The following WWOX variants were observed in gnomAD, a reference collection of about 807,000 sequenced individuals.
WWOX encodes WW domain-containing oxidoreductase.
WWOX carries 69 observed loss-of-function variants against 46.2 expected under a neutral mutation model. The observed-to-expected ratio is 1.49, with a 90% CI of 1.23 to 1.82. WWOX has a LOEUF of 1.82. WWOX is among the 40% of genes most tolerant of loss of function. The probability of loss-of-function intolerance (pLI) is 0.00; values close to 1 mark genes in which losing one functional copy is unlikely to be tolerated. For synonymous variants in WWOX, 359 were observed against 202.6 expected, an observed-to-expected ratio of 1.77 and a Z score of -6.56; for missense variants, 919 against 542.6, an observed-to-expected ratio of 1.69 and a Z score of -6.89.
intron 8 of WWOX, among the ~76,000 whole-genome samples, chr16:79,099,415 G>A (rs1278398202): frequency 6.6e-6 from 1 of 152,206 alleles, no homozygotes; most frequent in African/African-American, 2.4e-5. Flanking sequence ...AAGGAGTGGT[G>A]GAGACTGTGG....
chr16:78,297,166 C>T (rs981480640), intron 5 of WWOX, among the ~76,000 whole-genome samples: 1 of 152,144 alleles, frequency 6.6e-6, no homozygotes, highest in Admixed American at 6.5e-5. Context: ...CCACACACTC[C>T]TAGTCACAAG....
At chr16:79,197,625 G>A (rs895693882) in intron 8 of WWOX, among the ~76,000 whole-genome samples, 1 of 152,192 alleles carries the variant, frequency 6.6e-6, no homozygotes, top group African/African-American at 2.4e-5. Context: ...CAAACAGGTG[G>A]TTGTGGTGAT....
chr16:78,524,372 G>C (rs1188792090), intron 8 of WWOX, among the ~76,000 whole-genome samples: 1 of 151,004 alleles, frequency 6.6e-6, no homozygotes, highest in East Asian at 1.9e-4. Flanking sequence ...GTAAAGTTTA[G>C]TTGACTAGAG....
At chr16:78,730,324 C>A (rs185487198) in intron 8 of WWOX, among the ~76,000 whole-genome samples, 1 of 152,022 alleles carries the variant, frequency 6.6e-6, no homozygotes, top group African/African-American at 2.4e-5. Flanking sequence ...TGCCTCCTTC[C>A]TTTTCTTCCC....
At chr16:78,393,021 G>A (rs1299073576) in intron 6 of WWOX, among the ~76,000 whole-genome samples, 1 of 152,094 alleles carries the variant, frequency 6.6e-6, no homozygotes, top group South Asian at 2.1e-4. Flanking sequence ...GGCATTACTG[G>A]AAAGTTCCAA....
intron 8 of WWOX, among the ~76,000 whole-genome samples, chr16:79,001,316 C>G (rs1055455939): frequency 6.6e-6 from 1 of 152,194 alleles, no homozygotes; most frequent in African/African-American, 2.4e-5. Context: ...CTCCCTCCCC[C>G]TATTCTCAGC....
intron 8 of WWOX, among the ~76,000 whole-genome samples, chr16:78,562,277 A>T (rs1465064081): frequency 6.6e-6 from 1 of 152,216 alleles, no homozygotes; most frequent in Non-Finnish European, 1.5e-5. Flanking sequence ...CTGCATGCAG[A>T]ATTCCTACTC....
chr16:79,037,127 C>G (rs768022421), intron 8 of WWOX, among the ~76,000 whole-genome samples: 1 of 152,164 alleles, frequency 6.6e-6, no homozygotes, highest in Admixed American at 6.5e-5. Flanking sequence ...TGTAATCTCT[C>G]TCAAGGAAGG....
chr16:78,311,031 A>T (rs2080232707), intron 5 of WWOX, among the ~76,000 whole-genome samples: 1 of 152,162 alleles, frequency 6.6e-6, no homozygotes, highest in African/African-American at 2.4e-5. Context: ...AGTGCACTGA[A>T]AGTCTGACTT....
intron 5 of WWOX, among the ~76,000 whole-genome samples, chr16:78,306,151 C>T (rs944508385): frequency 1.3e-5 from 2 of 152,094 alleles, no homozygotes; most frequent in Non-Finnish European, 2.9e-5. Flanking sequence ...TATAGCTTAA[C>T]TACATTTATA....
intron 8 of WWOX, among the ~76,000 whole-genome samples, chr16:79,045,762 C>T (rs2656609): frequency 0.51 from 58,296 of 114,438 alleles, 14,259 homozygotes; most frequent in African/African-American, 0.72. Flanking sequence ...TGGAGCTCGT[C>T]TTTCCTTTTT....
At chr16:78,676,824 A>G (rs1266653541) in intron 8 of WWOX, among the ~76,000 whole-genome samples, 2 of 152,172 alleles carry the variant, frequency 1.3e-5, no homozygotes, top group African/African-American at 2.4e-5. Flanking sequence ...CCTTGATAGG[A>G]CCTCAGGAAA....
intron 5 of WWOX, among the ~76,000 whole-genome samples, chr16:78,257,633 G>A (rs1255213031): frequency 6.6e-6 from 1 of 152,104 alleles, no homozygotes; most frequent in African/African-American, 2.4e-5. Flanking sequence ...GGAATCTGAT[G>A]TCTACCGCAG....
At chr16:78,902,189 G>T (rs1597127555) in intron 8 of WWOX, among the ~76,000 whole-genome samples, 1 of 152,310 alleles carries the variant, frequency 6.6e-6, no homozygotes, top group African/African-American at 2.4e-5. Context: ...AGCTGATCCG[G>T]TGGTGTCTGA....
At chr16:78,735,090 C>A (rs967498271) in intron 8 of WWOX, among the ~76,000 whole-genome samples, 7 of 151,556 alleles carry the variant, frequency 4.6e-5, no homozygotes, top group Non-Finnish European at 1.0e-4. Context: ...TGGTCTCGAA[C>A]TCCTGACCTC....
chr16:78,452,048 C>T (rs1231093014), intron 8 of WWOX, among the ~76,000 whole-genome samples: 1 of 152,144 alleles, frequency 6.6e-6, no homozygotes, highest in Admixed American at 6.5e-5. Context: ...TTGTTCTCTG[C>T]ATGTTCTTTC....
chr16:79,023,920 C>A (rs1318836759), intron 8 of WWOX, among the ~76,000 whole-genome samples: 2 of 151,772 alleles, frequency 1.3e-5, no homozygotes, highest in South Asian at 4.2e-4. Context: ...TGTGCCACTG[C>A]ACTCCAGCCT....
At chr16:78,700,258 C>T (rs552278483) in intron 8 of WWOX, among the ~76,000 whole-genome samples, 1 of 149,434 alleles carries the variant, frequency 6.7e-6, no homozygotes, top group African/African-American at 2.5e-5. Context: ...CTGGTGAGTG[C>T]TCTTTTCTGC....
At chr16:78,510,787 GTGTT>G (rs1000009339) in intron 8 of WWOX, among the ~76,000 whole-genome samples, 11 of 152,214 alleles carry the variant, frequency 7.2e-5, no homozygotes, top group Non-Finnish European at 1.5e-5. Context: ...TTTGGCAGGA[GTGTT>G]TGTTAAACAT....
Sources: gnomAD v4.1 joint callset for allele counts (sites outside exome capture counted in the v4.1 genomes callset) on GRCh38, gnomAD v4.1.1 for gene constraint, MANE v1.5 for transcripts, NCBI Gene and HGNC (gene_info 2026-07-23, HGNC 2026-07-21) for gene names.